The following SLC2A11 variants were observed in gnomAD, a reference collection of about 807,000 sequenced individuals.
The protein encoded by SLC2A11 is solute carrier family 2 member 11.
Under a neutral mutation model 52.1 loss-of-function variants are expected in SLC2A11, and 43 were observed. That is an observed-to-expected ratio of 0.82 (90% CI 0.65 to 1.06). The LOEUF (loss-of-function observed/expected upper bound fraction) is 1.06. Ranked by LOEUF, SLC2A11 falls within the 50% of genes least tolerant of loss-of-function variation. The pLI, the probability that SLC2A11 is intolerant of heterozygous loss-of-function variation, is 0.00. For missense variants in SLC2A11, 582 were observed against 654.2 expected, an observed-to-expected ratio of 0.89 and a Z score of 1.20; for synonymous variants, 261 against 277.6, an observed-to-expected ratio of 0.94 and a Z score of 0.59.
In SLC2A11 at chr22:23,858,025, G is replaced by T. The variant is rs1220809478; in HGVS notation, c.26G>T (p.Arg9Ile). 3 of 1,566,024 alleles carry T rather than the reference G, an allele frequency of 1.9e-6. No homozygotes were observed. The highest frequency in any genetic ancestry group is 2.6e-6 in the Non-Finnish European group (3 of 1,155,022). ...ATGCTCCACGCCCTCCTGCGATCTA[G>T]AATGGTATGAATTCTCATACTTGCC... MLHALLRS[R>I]MIQGRILLLT... The change falls in exon 1 of 12, where the codon AGA becomes ATA. Residue 9 changes from arginine to isoleucine, a missense_variant. Arg to Ile is a moderately conservative substitution (Grantham distance 97). Coordinates refer to ENST00000316185, the MANE Select transcript of SLC2A11 (RefSeq NM_001024939.4).
chr22:23,880,218 A>T (rs1199853993), intron 6 of SLC2A11, among the ~76,000 whole-genome samples: 2 of 145,698 alleles, frequency 1.4e-5, no homozygotes, highest in Non-Finnish European at 3.0e-5. Flanking sequence ...GTGCCAGTGC[A>T]CACTGCACTC....
upstream of SLC2A11, chr22:23,857,580 C>CCCT (rs1555884644): frequency 3.4e-5 from 51 of 1,478,430 alleles, no homozygotes; most frequent in Non-Finnish European, 4.4e-5. Flanking sequence ...ACCCCAAACC[C>CCCT]CCCCCCCGCG....
intron 3 of SLC2A11, chr22:23,873,417 C>G (rs2032522341): frequency 6.6e-6 from 1 of 152,004 alleles, no homozygotes; most frequent in Admixed American, 6.6e-5. Flanking sequence ...TCAAGCGATT[C>G]TCCTGCCTCA....
At chr22:23,861,270 G>A (rs1275736917) in intron 1 of SLC2A11, among the ~76,000 whole-genome samples, 3 of 127,704 alleles carry the variant, frequency 2.3e-5, no homozygotes, top group Non-Finnish European at 4.6e-5. Flanking sequence ...GAGCCACTGC[G>A]CCAGGCCAAG....
chr22:23,862,046 T>C, intron 1 of SLC2A11, 58 bp from the exon 2 acceptor site: 1 of 1,414,036 alleles, frequency 7.1e-7, no homozygotes, highest in Non-Finnish European at 1.0e-6. Flanking sequence ...GCAGCTCTGG[T>C]CCAGGGAGGG....
rs202104377 is a variant in SLC2A11, at chr22:23,862,162, A to T, written c.89A>T (p.Gln30Leu). 18 of 1,613,944 alleles carry T rather than the reference A, an allele frequency of 1.1e-5. No individual in the cohort carries two copies. The highest frequency in any genetic ancestry group is 1.2e-5 in the Non-Finnish European group (14 of 1,180,022). ...ICAAGIGGTF[Q>L]FGYNLSIINA... The stretch of plus-strand genomic sequence containing the variant: ...GCTGCCGGCATTGGTGGGACTTTTC[A>T]GTTTGGCTATAACCTCTCTATCATC... The change falls in exon 2 of 12, where the codon CAG becomes CTG. Residue 30 changes from glutamine (Q) to leucine (L), a missense_variant. Gln to Leu is a moderately radical substitution (Grantham distance 113, BLOSUM62 -2). Coordinates refer to ENST00000316185, the MANE Select transcript of SLC2A11 (RefSeq NM_001024939.4).
At position 23,886,160 on chromosome 22, in the gene SLC2A11, C is replaced by T. The variant is rs192338341; in HGVS notation, c.*1311C>T. 3.9e-5 allele frequency: 6 copies of T among 152,298 alleles called. No individual in the cohort carries two copies. Among genetic ancestry groups the T allele is most frequent in the South Asian group, 2.1e-4 (1 of 4,830 alleles). 9.4% of individuals were successfully genotyped at this position (152,298 alleles called of 1,614,324 possible). Reference sequence around the variant, plus strand: ...TTTGGGATTCATGAATGTTGTTGCACGTATTAGGAGAGACTCCTTTGTATT... The same window carrying T: ...TTTGGGATTCATGAATGTTGTTGCATGTATTAGGAGAGACTCCTTTGTATT... On this transcript the variant is annotated 3_prime_UTR_variant, in exon 12 of 12. Coordinates refer to ENST00000316185, the MANE Select transcript of SLC2A11 (RefSeq NM_001024939.4).
chr22:23,873,263 C>A (rs930033539), intron 3 of SLC2A11: 1 of 151,888 alleles, frequency 6.6e-6, no homozygotes, highest in Non-Finnish European at 1.5e-5. Context: ...CTCAGGTGAT[C>A]CACCCGCCTC....
rs150038830 is a variant in SLC2A11 at position 23,881,146 on chromosome 22, G to T, written c.695-1313G>T. On this transcript the variant is annotated intron_variant, in intron 6 of 11. Coordinates refer to ENST00000316185, the MANE Select transcript of SLC2A11 (RefSeq NM_001024939.4). ...TCTCGGTGGTAAAGAAACAAAAAAA[G>T]CAATTATTTAGCCTAAGCCTCTAAG... is the stretch of plus-strand genomic sequence containing the variant. 2.1e-5 allele frequency: 3 copies of T among 145,786 alleles called. No individual in the cohort carries two copies. The East Asian group carries it at 6.1e-4, about 30-fold the overall frequency. 9.0% of individuals were successfully genotyped at this position (145,786 alleles called of 1,614,324 possible).
intron 2 of SLC2A11, chr22:23,868,138 G>A (rs749192874): frequency 4.7e-5 from 16 of 341,350 alleles, no homozygotes; most frequent in African/African-American, 8.3e-5. Context: ...GCTTGTGTCC[G>A]GAGAGTTAGA....
chr22:23,880,484 T>A (rs2032764428), intron 6 of SLC2A11: 1 of 152,178 alleles, frequency 6.6e-6, no homozygotes, highest in Admixed American at 6.5e-5. Flanking sequence ...CAAGGCCTAA[T>A]TGCTGGTATT....
At chr22:23,880,274 A>ACAAG (rs71320740) in intron 6 of SLC2A11, 1 of 130,120 alleles carries the variant, frequency 7.7e-6, no homozygotes, top group Non-Finnish European at 1.7e-5. Flanking sequence ...AAAAAAAAAA[A>ACAAG]AAAAGAAAAG....
intron 6 of SLC2A11, among the ~76,000 whole-genome samples, chr22:23,878,965 A>G (rs539633060): frequency 4.5e-4 from 69 of 152,298 alleles, no homozygotes; most frequent in African/African-American, 1.6e-3. Context: ...TCTCATTTCA[A>G]AAACGAGGAA....
At chr22:23,868,032 G>T in intron 2 of SLC2A11, 1 of 310,734 alleles carries the variant, frequency 3.2e-6, no homozygotes, top group Non-Finnish European at 6.4e-6. Flanking sequence ...ATCTGAAGAG[G>T]GGACAGTCTT....
chr22:23,870,188 G>A (rs543602577), intron 3 of SLC2A11: 195 of 612,366 alleles, frequency 3.2e-4, no homozygotes, highest in African/African-American at 3.0e-3. Context: ...CTCTTCCCAC[G>A]AAGAAGACGG....
chr22:23,857,801 C>A, upstream of SLC2A11: 1 of 1,461,622 alleles, frequency 6.8e-7, no homozygotes, highest in East Asian at 2.5e-5. Context: ...CTCTCAATAC[C>A]CACTGCGCTT....
chr22:23,882,703 G>T (rs78492929), intron 7 of SLC2A11, 56 bp from the exon 8 acceptor site: 2 of 1,605,064 alleles, frequency 1.2e-6, no homozygotes, highest in African/African-American at 2.7e-5. Flanking sequence ...GTTGCAGGCC[G>T]CTGGGAGCCA....
At chr22:23,861,836 C>A (rs975010042) in intron 1 of SLC2A11, among the ~76,000 whole-genome samples, 8 of 152,148 alleles carry the variant, frequency 5.3e-5, no homozygotes, top group Admixed American at 5.2e-4. Context: ...GGATGGGAAC[C>A]GCTCTCCAGC....
chr22:23,857,649 A>G (rs919453161), upstream of SLC2A11: 1 of 1,085,912 alleles, frequency 9.2e-7, no homozygotes, highest in East Asian at 3.0e-5. Context: ...GCCCTTCTTA[A>G]AAACGCTGAG....
Sources: gnomAD v4.1 joint callset for allele counts (sites outside exome capture counted in the v4.1 genomes callset) on GRCh38, gnomAD v4.1.1 for gene constraint, MANE v1.5 for transcripts, NCBI Gene and HGNC (gene_info 2026-07-23, HGNC 2026-07-21) for gene names.